CAPSL: variants seen among roughly 807,000 people sequenced by gnomAD.
The protein encoded by CAPSL is calcyphosine like.
A neutral mutation model predicts 21.3 loss-of-function variants in CAPSL; 17 were observed. That is an observed-to-expected ratio of 0.80 (90% CI 0.55 to 1.20). The LOEUF (loss-of-function observed/expected upper bound fraction) is 1.20, where lower values mean the gene tolerates loss of function less well. Ranked by LOEUF, CAPSL falls within the 50% of genes most tolerant of loss-of-function variation. The pLI, the probability that CAPSL is intolerant of heterozygous loss-of-function variation, is 0.00. For synonymous variants in CAPSL, 102 were observed against 89.3 expected (o/e 1.14, Z -0.80); for missense variants, 289 against 259.3 (o/e 1.11, Z -0.79).
At chr5:35,910,629 G>A in intron 2 of CAPSL, 86 bp from the exon 3 acceptor site, 5 of 1,025,064 alleles carry the variant, frequency 4.9e-6, no homozygotes, top group South Asian at 1.8e-5. Flanking sequence ...CACACTCAAG[G>A]TTTCGTCAAA....
chr5:35,914,887 CA>C (rs1261734514), intron 2 of CAPSL, among the ~76,000 whole-genome samples: 3 of 151,970 alleles, frequency 2.0e-5, no homozygotes, highest in Non-Finnish European at 2.9e-5. Context: ...AATAGAGACA[CA>C]AAAAACTCTT....
chr5:35,931,610 G>A (rs1450730335), intron 1 of CAPSL, among the ~76,000 whole-genome samples: 1 of 151,904 alleles, frequency 6.6e-6, no homozygotes, highest in South Asian at 2.1e-4. Flanking sequence ...GAGTCTCTGG[G>A]GTTTTTACAA....
intron 1 of CAPSL, among the ~76,000 whole-genome samples, chr5:35,929,865 G>GT (rs1738777871): frequency 6.6e-6 from 1 of 152,124 alleles, no homozygotes; most frequent in African/African-American, 2.4e-5. Context: ...TTAAGGCTCA[G>GT]TGTAAATACC....
chr5:35,938,038 T>C (rs528197335), intron 1 of CAPSL, among the ~76,000 whole-genome samples: 3 of 152,340 alleles, frequency 2.0e-5, no homozygotes, highest in African/African-American at 7.2e-5. Flanking sequence ...TTAATAAGCA[T>C]CCTGATTTTT....
At chr5:35,905,358 T>C (rs1336797312) in intron 4 of CAPSL, among the ~76,000 whole-genome samples, 2 of 152,192 alleles carry the variant, frequency 1.3e-5, no homozygotes, top group Non-Finnish European at 2.9e-5. Context: ...ATGTACACTC[T>C]AATTTAATCA....
At chr5:35,926,082 A>C (rs1738668492) in intron 1 of CAPSL, among the ~76,000 whole-genome samples, 1 of 152,042 alleles carries the variant, frequency 6.6e-6, no homozygotes, top group Admixed American at 6.5e-5. Flanking sequence ...TCTCAAAAAA[A>C]AAAAAAAAAA....
At chr5:35,938,439 T>C (rs1474744752) in intron 1 of CAPSL, 102 bp downstream of exon 1, 1 of 152,156 alleles carries the variant, frequency 6.6e-6, no homozygotes, top group Non-Finnish European at 1.5e-5. Flanking sequence ...CTTTTAGATT[T>C]TCTTTTTAGA....
At chr5:35,906,215 G>GTT (rs1257578754) in intron 4 of CAPSL, among the ~76,000 whole-genome samples, 1 of 152,054 alleles carries the variant, frequency 6.6e-6, no homozygotes, top group African/African-American at 2.4e-5. Flanking sequence ...GTTTGTTATT[G>GTT]TTTCTATTGT....
chr5:35,918,977 A>G (rs1246085732), intron 2 of CAPSL, among the ~76,000 whole-genome samples: 6 of 151,942 alleles, frequency 3.9e-5, no homozygotes, highest in Non-Finnish European at 8.8e-5. Flanking sequence ...GCTAATGAAG[A>G]TAATTCTAAA....
At chr5:35,917,432 C>T (rs1472959949) in intron 2 of CAPSL, among the ~76,000 whole-genome samples, 2 of 152,156 alleles carry the variant, frequency 1.3e-5, no homozygotes, top group African/African-American at 4.8e-5. Flanking sequence ...TTTATTGTGG[C>T]ACTATTCACA....
intron 2 of CAPSL, among the ~76,000 whole-genome samples, chr5:35,918,796 G>A (rs746718366): frequency 9.9e-5 from 15 of 152,058 alleles, no homozygotes; most frequent in Non-Finnish European, 1.8e-4. Flanking sequence ...TAGCAATAAT[G>A]GGTTGAATGA....
intron 1 of CAPSL, among the ~76,000 whole-genome samples, chr5:35,921,832 C>G (rs1281762138): frequency 6.6e-6 from 1 of 151,192 alleles, no homozygotes; most frequent in Non-Finnish European, 1.5e-5. Flanking sequence ...CAACCCCTCA[C>G]CCCCATCTGC....
At chr5:35,932,016 C>T (rs1447233502) in intron 1 of CAPSL, among the ~76,000 whole-genome samples, 1 of 152,184 alleles carries the variant, frequency 6.6e-6, no homozygotes, top group Admixed American at 6.5e-5. Context: ...AACTATCTTG[C>T]AGTCCCTTAG....
rs537903895 is a variant in CAPSL at position 35,917,813 on chromosome 5, A to G, written c.137+3171T>C. On this transcript the variant is annotated intron_variant, in intron 2 of 4. Coordinates refer to ENST00000651391, the MANE Select transcript of CAPSL (RefSeq NM_001042625.2). Reference sequence around the variant, plus strand: ...GCACACCAACATGGCACATGTATACATATGTAACAAACCTGCGCGTTGTGC... The same window carrying G: ...GCACACCAACATGGCACATGTATACGTATGTAACAAACCTGCGCGTTGTGC... 2.0e-5 allele frequency among the ~76,000 whole-genome samples: 3 copies of G among 152,258 alleles called. No individual in the cohort carries two copies. In the South Asian group the frequency reaches 6.2e-4, roughly 32 times the overall value.
chr5:35,932,517 A>G (rs933916370), intron 1 of CAPSL, among the ~76,000 whole-genome samples: 8 of 152,202 alleles, frequency 5.3e-5, no homozygotes, highest in African/African-American at 1.7e-4. Context: ...CTTCTATGTA[A>G]ATCTTATCAG....
chr5:35,930,213 A>C (rs1643042643), intron 1 of CAPSL, among the ~76,000 whole-genome samples: 1 of 152,152 alleles, frequency 6.6e-6, no homozygotes, highest in South Asian at 2.1e-4. Flanking sequence ...TCTCTGTATC[A>C]GAATACATTT....
At chr5:35,914,819 C>T (rs1281716537) in intron 2 of CAPSL, among the ~76,000 whole-genome samples, 2 of 152,148 alleles carry the variant, frequency 1.3e-5, no homozygotes, top group Non-Finnish European at 2.9e-5. Flanking sequence ...CAAGAGCAAA[C>T]ATATTCAAAA....
intron 2 of CAPSL, among the ~76,000 whole-genome samples, chr5:35,919,530 C>T (rs953708899): frequency 3.3e-5 from 5 of 152,212 alleles, no homozygotes; most frequent in Middle Eastern, 3.4e-3. Context: ...TCACAGAATG[C>T]TAAATGTTGT....
chr5:35,933,772 G>T (rs761636961), intron 1 of CAPSL, among the ~76,000 whole-genome samples: 2 of 152,112 alleles, frequency 1.3e-5, no homozygotes, highest in Non-Finnish European at 2.9e-5. Flanking sequence ...GAACTGTCCT[G>T]CTCTCTCAAA....
Sources: allele counts gnomAD v4.1 joint callset (sites outside exome capture counted in the v4.1 genomes callset), GRCh38; gene constraint gnomAD v4.1.1; transcripts MANE v1.5; gene names NCBI Gene and HGNC (gene_info 2026-07-23, HGNC 2026-07-21).